Variants in ATXN2 observed in about 807,000 individuals in gnomAD.
The protein encoded by ATXN2 is ataxin-2.
A neutral mutation model predicts 138.6 loss-of-function variants in ATXN2; 37 were observed. The observed-to-expected ratio is 0.27, with a 90% CI of 0.21 to 0.35. ATXN2 has a LOEUF of 0.35. Among genes scored for constraint, ATXN2 ranks in the 10% least tolerant of loss-of-function variants. ATXN2 has a pLI of 1.00. For missense variants in ATXN2, 1,216 were observed against 1,480.3 expected, an observed-to-expected ratio of 0.82 and a Z score of 2.93; for synonymous variants, 549 against 543.7, an observed-to-expected ratio of 1.01 and a Z score of -0.13.
At chr12:111,548,252 C>T (rs1307658672) in intron 5 of ATXN2, among the ~76,000 whole-genome samples, 2 of 152,054 alleles carry the variant, frequency 1.3e-5, no homozygotes, top group African/African-American at 2.4e-5. Flanking sequence ...CAAACCAAAC[C>T]ACATAATTTA....
intron 5 of ATXN2, among the ~76,000 whole-genome samples, chr12:111,532,154 C>T (rs1225519601): frequency 6.6e-6 from 1 of 151,040 alleles, no homozygotes; most frequent in Non-Finnish European, 1.5e-5. Context: ...AGTTCAAGGC[C>T]AGAGCGGATA....
At position 111,485,856 on chromosome 12, in the gene ATXN2, A is replaced by G. The variant is rs1877601637; in HGVS notation, c.2314T>C (p.Ser772Pro). The change falls in exon 17 of 25, where the codon TCT becomes CCT. Residue 772 changes from serine (S) to proline (P), a missense_variant. Physicochemically the swap from Ser to Pro is moderately conservative, Grantham distance 74. Around this residue, in one of 4 missense-constraint regions of ATXN2, gnomAD observed 490 missense variants for 653.5 expected, o/e 0.75. Coordinates refer to ENST00000673436, the MANE Select transcript of ATXN2 (RefSeq NM_001372574.1). Reference protein sequence around the residue: ...NPRSFSQPKPSTTPTSPRPQA... With the variant: ...NPRSFSQPKPPTTPTSPRPQA... ...GGCCGAGGTGAAGTTGGGGTAGTAG[A>G]AGGCTTTGGCTACAAAAACAACAAT... 2 of 1,613,908 alleles carry G rather than the reference A, an allele frequency of 1.2e-6. No individual in the cohort carries two copies. The highest frequency in any genetic ancestry group is 1.7e-6 in the Non-Finnish European group (2 of 1,179,946).
intron 18 of ATXN2, chr12:111,485,032 A>G (rs1461923298): frequency 1.0e-5 from 4 of 395,460 alleles, no homozygotes; most frequent in Admixed American, 3.6e-5. Context: ...CAGGCCTCCA[A>G]TTACTCTTTT....
intron 1 of ATXN2, among the ~76,000 whole-genome samples, chr12:111,577,352 G>A (rs1471977634): frequency 1.3e-5 from 2 of 151,918 alleles, no homozygotes; most frequent in Non-Finnish European, 2.9e-5. Flanking sequence ...TGCAAGCTCC[G>A]CCTCCCGGGT....
At chr12:111,452,932 C>T (rs908391220) in intron 24 of ATXN2, 92 bp from the exon 25 acceptor site, 4 of 1,174,916 alleles carry the variant, frequency 3.4e-6, no homozygotes, top group Non-Finnish European at 4.3e-6. Context: ...AAACTATCCT[C>T]GTGCTAGCTG....
At chr12:111,593,386 C>T (rs1022571800) in intron 1 of ATXN2, among the ~76,000 whole-genome samples, 7 of 151,912 alleles carry the variant, frequency 4.6e-5, no homozygotes, top group South Asian at 2.1e-4. Context: ...TGAGCCACCG[C>T]GCCTGGCCTT....
At position 111,598,932 on chromosome 12, in the gene ATXN2, T is replaced by C; in HGVS notation, c.103A>G (p.Asn35Asp). 2.0e-6 allele frequency: 3 copies of C among 1,511,034 alleles called. No individual in the cohort carries two copies. The highest frequency in any genetic ancestry group is 1.2e-5 in the South Asian group (1 of 81,542). 93.6% of individuals were successfully genotyped at this position (1,511,034 alleles called of 1,614,324 possible). A position where few individuals can be genotyped will look rare whatever the true frequency, so the allele number is the denominator to read the frequency against. ...QQQQPPPAAA[N>D]VRKPGGSGLL... ...CCGCTGCCGCCGGGCTTGCGGACAT[T>C]GGCAGCCGCGGGCGGCGGCTGCTGC... The change falls in exon 1 of 25, where the codon AAT becomes GAT. Residue 35 changes from asparagine to aspartate, a missense_variant. Physicochemically the swap from Asn to Asp is conservative, Grantham distance 23. Coordinates refer to ENST00000673436, the MANE Select transcript of ATXN2 (RefSeq NM_001372574.1). This position sits in a 1 kb window ranked among gnomAD's most constrained non-coding sequence, Gnocchi z 4.5.
At chr12:111,524,729 T>C (rs1880385369) in intron 6 of ATXN2, among the ~76,000 whole-genome samples, 1 of 152,236 alleles carries the variant, frequency 6.6e-6, no homozygotes, top group Non-Finnish European at 1.5e-5. Flanking sequence ...AATGCTTTAA[T>C]TCCAATGTAA....
intron 23 of ATXN2, 184 bp downstream of exon 23, chr12:111,455,845 G>C: frequency 1.5e-6 from 1 of 677,438 alleles, no homozygotes. Flanking sequence ...CACCTTCACT[G>C]ATCCCATGAC....
At chr12:111,554,467 T>C (rs1882284844) in intron 2 of ATXN2, among the ~76,000 whole-genome samples, 2 of 152,220 alleles carry the variant, frequency 1.3e-5, no homozygotes, top group South Asian at 4.1e-4. Flanking sequence ...TGCAAAATGT[T>C]TAGTTAGGTT....
chr12:111,476,894 T>G (rs1451573377), intron 18 of ATXN2, among the ~76,000 whole-genome samples: 1 of 152,184 alleles, frequency 6.6e-6, no homozygotes, highest in African/African-American at 2.4e-5. Flanking sequence ...AGAGTAATTT[T>G]GACGAGAATA....
At chr12:111,468,893 G>C (rs1876222375) in intron 20 of ATXN2, 1 of 151,902 alleles carries the variant, frequency 6.6e-6, no homozygotes, top group South Asian at 2.1e-4. Flanking sequence ...GTAGAGATGG[G>C]GTTTCACCAT....
chr12:111,588,554 A>T (rs1056273022), intron 1 of ATXN2, among the ~76,000 whole-genome samples: 7 of 151,324 alleles, frequency 4.6e-5, no homozygotes, highest in African/African-American at 1.7e-4. Context: ...CCTGGGAGGC[A>T]GAGGTTGCAA....
intron 5 of ATXN2, among the ~76,000 whole-genome samples, chr12:111,551,621 G>C (rs1287487490): frequency 6.6e-6 from 1 of 151,968 alleles, no homozygotes; most frequent in Non-Finnish European, 1.5e-5. Flanking sequence ...TTTCTTTCCA[G>C]ATTTGCCACA....
chr12:111,458,795 G>C (rs574199963), intron 21 of ATXN2, among the ~76,000 whole-genome samples: 1 of 152,232 alleles, frequency 6.6e-6, no homozygotes, highest in Non-Finnish European at 1.5e-5. Flanking sequence ...CAAGGCTGCC[G>C]AGTCACCAGC....
At chr12:111,563,974 A>G (rs1174395085) in intron 1 of ATXN2, among the ~76,000 whole-genome samples, 5 of 152,190 alleles carry the variant, frequency 3.3e-5, no homozygotes, top group Non-Finnish European at 7.3e-5. Flanking sequence ...ACCTGACCAT[A>G]TTATGCTTCT....
chr12:111,553,045 AT>A, intron 3 of ATXN2, 68 bp from the exon 4 acceptor site: 1 of 1,122,430 alleles, frequency 8.9e-7, no homozygotes, highest in Non-Finnish European at 1.2e-6. Context: ...ATTTGTTTTC[AT>A]TTTACTTTTT....
At chr12:111,550,513 A>C (rs970956143) in intron 5 of ATXN2, among the ~76,000 whole-genome samples, 1 of 152,222 alleles carries the variant, frequency 6.6e-6, no homozygotes, top group African/African-American at 2.4e-5. Flanking sequence ...ATTAAATTCA[A>C]CTAAAATTTT....
At chr12:111,531,577 C>G (rs568366371) in intron 5 of ATXN2, among the ~76,000 whole-genome samples, 1 of 123,708 alleles carries the variant, frequency 8.1e-6, no homozygotes, top group Non-Finnish European at 1.5e-5. Flanking sequence ...TTGTATACTA[C>G]GAGCATATAC....
Sources: gnomAD v4.1 joint callset for allele counts (sites outside exome capture counted in the v4.1 genomes callset) on GRCh38, gnomAD v4.1.1 for gene constraint, gnomAD v4.1.1 regional missense constraint, Gnocchi (gnomAD v3.1) non-coding constraint, MANE v1.5 for transcripts, NCBI Gene and HGNC (gene_info 2026-07-23, HGNC 2026-07-21) for gene names.